Variants in CPLX4 observed in about 807,000 individuals in gnomAD.
The protein encoded by CPLX4 is complexin-4.
CPLX4 carries 17 observed loss-of-function variants against 16.1 expected under a neutral mutation model. The observed-to-expected ratio is 1.06, with a 90% CI of 0.72 to 1.59. The LOEUF (loss-of-function observed/expected upper bound fraction) is 1.59, where lower values mean the gene tolerates loss of function less well. CPLX4 is among the 40% of genes most tolerant of loss of function. The pLI is 0.00. For missense variants in CPLX4, 193 were observed against 192.9 expected, an observed-to-expected ratio of 1.00 and a Z score of 0.00; for synonymous variants, 55 against 57.8, an observed-to-expected ratio of 0.95 and a Z score of 0.22.
intron 1 of CPLX4, among the ~76,000 whole-genome samples, 196 bp from the exon 2 acceptor site, chr18:59,312,968 T>C (rs989625747): frequency 7.2e-5 from 11 of 152,122 alleles, no homozygotes; most frequent in Non-Finnish European, 1.5e-4. Context: ...TAACTTTCAG[T>C]ATATACCTCT....
chr18:59,313,688 G>A (rs2070633263), intron 1 of CPLX4, among the ~76,000 whole-genome samples: 1 of 152,246 alleles, frequency 6.6e-6, no homozygotes, highest in Admixed American at 6.5e-5. Context: ...GACACTTGCA[G>A]TGTGGCTGTC....
intron 1 of CPLX4, among the ~76,000 whole-genome samples, chr18:59,314,557 T>C (rs939451295): frequency 3.9e-5 from 6 of 152,282 alleles, no homozygotes; most frequent in African/African-American, 1.4e-4. Flanking sequence ...AAGCACACCA[T>C]TCAATGATTC....
At chr18:59,300,564 C>A (rs536113) in intron 2 of CPLX4, among the ~76,000 whole-genome samples, 42,162 of 151,958 alleles carry the variant, frequency 0.28, 6,802 homozygotes, top group African/African-American at 0.45. Flanking sequence ...GATGGGTGAC[C>A]TGGGGCACTT....
chr18:59,299,506 C>T (rs1206491120), intron 2 of CPLX4, among the ~76,000 whole-genome samples: 1 of 152,114 alleles, frequency 6.6e-6, no homozygotes, highest in Admixed American at 6.6e-5. Flanking sequence ...GAGTATAAAA[C>T]ACCGAACACA....
chr18:59,310,537 C>T (rs1340365016), intron 2 of CPLX4, among the ~76,000 whole-genome samples: 1 of 152,170 alleles, frequency 6.6e-6, no homozygotes, highest in Non-Finnish European at 1.5e-5. Context: ...GGCTCAGGAA[C>T]CTCCATTGTT....
At chr18:59,303,999 G>T (rs2144182827) in intron 2 of CPLX4, among the ~76,000 whole-genome samples, 1 of 152,328 alleles carries the variant, frequency 6.6e-6, no homozygotes, top group African/African-American at 2.4e-5. Flanking sequence ...CTCCTAATCT[G>T]AAGGGGTCTG....
chr18:59,307,844 C>A (rs764785371), intron 2 of CPLX4, among the ~76,000 whole-genome samples: 15 of 150,984 alleles, frequency 9.9e-5, no homozygotes, highest in Non-Finnish European at 1.6e-4. Context: ...CTCTGCATCC[C>A]GGGTTCCAGC....
chr18:59,298,538 T>A (rs1454273042), intron 2 of CPLX4, among the ~76,000 whole-genome samples: 1 of 152,010 alleles, frequency 6.6e-6, no homozygotes, highest in African/African-American at 2.4e-5. Context: ...TGAAAAATCA[T>A]ATTAAAAAAT....
At chr18:59,305,777 G>A (rs2070572513) in intron 2 of CPLX4, among the ~76,000 whole-genome samples, 1 of 152,234 alleles carries the variant, frequency 6.6e-6, no homozygotes, top group Admixed American at 6.5e-5. Flanking sequence ...GTAGCAAAAA[G>A]CAATGGCAAG....
intron 2 of CPLX4, among the ~76,000 whole-genome samples, chr18:59,305,852 GGAATATCCCACAATTTGCAGGCA>G (rs1183848097): frequency 6.6e-6 from 1 of 152,174 alleles, no homozygotes; most frequent in Non-Finnish European, 1.5e-5. Context: ...GGGGCACCCC[GGAATATCCCACAATTTGCAGGCA>G]GACAGAGAAA....
intron 2 of CPLX4, 120 bp downstream of exon 2, chr18:59,312,565 A>ATATC (rs1346106204): frequency 4.6e-6 from 1 of 215,088 alleles, no homozygotes; most frequent in East Asian, 1.1e-4. Flanking sequence ...ATATATATAT[A>ATATC]TATCTTGAAT....
At chr18:59,301,280 C>A (rs1280107270) in intron 2 of CPLX4, among the ~76,000 whole-genome samples, 1 of 152,256 alleles carries the variant, frequency 6.6e-6, no homozygotes, top group African/African-American at 2.4e-5. Context: ...CCCACAGACT[C>A]TTCACCCCGT....
chr18:59,309,837 A>AAAAAAG (rs1365542367), intron 2 of CPLX4, among the ~76,000 whole-genome samples: 3 of 115,932 alleles, frequency 2.6e-5, no homozygotes, highest in Admixed American at 8.7e-5. Context: ...AAAAAAAAAA[A>AAAAAAG]AAAAAGAAAA....
At chr18:59,316,251 G>A (rs2070650365) in intron 1 of CPLX4, among the ~76,000 whole-genome samples, 1 of 121,344 alleles carries the variant, frequency 8.2e-6, no homozygotes, top group Non-Finnish European at 1.7e-5. Flanking sequence ...TACCAGTGGT[G>A]CGTGCGCACA....
chr18:59,310,947 CGTGTGTGT>C (rs56041362), intron 2 of CPLX4, among the ~76,000 whole-genome samples: 15,971 of 143,538 alleles, frequency 0.11, 999 homozygotes, highest in African/African-American at 0.17. Flanking sequence ...CCCAGCCAAT[CGTGTGTGT>C]GTGTGTGTGT....
At chr18:59,301,067 T>C (rs2070537657) in intron 2 of CPLX4, among the ~76,000 whole-genome samples, 1 of 152,166 alleles carries the variant, frequency 6.6e-6, no homozygotes, top group Non-Finnish European at 1.5e-5. Context: ...CAGCCCTCAC[T>C]GGGAAGGGCC....
chr18:59,304,807 T>C (rs1045692321), intron 2 of CPLX4, among the ~76,000 whole-genome samples: 9 of 152,216 alleles, frequency 5.9e-5, no homozygotes, highest in African/African-American at 2.2e-4. Context: ...CCTGACCTCG[T>C]GATCTGCCCA....
At chr18:59,308,241 G>A (rs749482957) in intron 2 of CPLX4, among the ~76,000 whole-genome samples, 8 of 152,086 alleles carry the variant, frequency 5.3e-5, no homozygotes, top group Non-Finnish European at 1.0e-4. Context: ...GGAGGCCTGG[G>A]GCATGATTCT....
At chr18:59,309,331 CA>C (rs1295067738) in intron 2 of CPLX4, among the ~76,000 whole-genome samples, 7 of 152,164 alleles carry the variant, frequency 4.6e-5, no homozygotes, top group Non-Finnish European at 1.0e-4. Context: ...AAGTAAACTG[CA>C]ATGAATGATG....
Sources: gnomAD v4.1 joint callset for allele counts (sites outside exome capture counted in the v4.1 genomes callset) on GRCh38, gnomAD v4.1.1 for gene constraint, MANE v1.5 for transcripts, NCBI Gene and HGNC (gene_info 2026-07-23, HGNC 2026-07-21) for gene names.